The following MAP3K19 variants were observed in gnomAD, a reference collection of about 807,000 sequenced individuals.
MAP3K19 encodes the protein mitogen-activated protein kinase kinase kinase 19.
A neutral mutation model predicts 114.4 loss-of-function variants in MAP3K19; 91 were observed. That is an observed-to-expected ratio of 0.80 (90% CI 0.67 to 0.95). MAP3K19 has a LOEUF of 0.95. Among genes scored for constraint, MAP3K19 ranks in the 40% least tolerant of loss-of-function variants. The probability of loss-of-function intolerance (pLI) is 0.00; values close to 1 mark genes in which losing one functional copy is unlikely to be tolerated. For synonymous variants in MAP3K19, 518 were observed against 530.5 expected (o/e 0.98, Z 0.32); for missense variants, 1,471 against 1,573.2 (o/e 0.94, Z 1.10).
At position 134,994,088 on chromosome 2, in the gene MAP3K19, C is replaced by A. The variant is rs1363010182; in HGVS notation, c.575-2508G>T. ...TTGAATGTACAAGCTTTTCTCCAAT[C>A]CCTCCACAAATCACACTAAAATCAC... On this transcript the variant is annotated intron_variant, in intron 8 of 12. Transcript: ENST00000392915. Among the ~76,000 whole-genome samples the A allele has an allele frequency of 5.3e-5, 8 of 152,224 alleles. No homozygotes were observed. The East Asian group carries it at 1.5e-3, about 29-fold the overall frequency.
intron 1 of MAP3K19, among the ~76,000 whole-genome samples, chr2:135,045,788 T>C (rs1376190228): frequency 6.6e-6 from 1 of 152,194 alleles, no homozygotes; most frequent in African/African-American, 2.4e-5. Context: ...TACCGGGTAA[T>C]GTGGTCATTA....
intron 12 of MAP3K19, among the ~76,000 whole-genome samples, chr2:134,978,868 A>G (rs112588544): frequency 0.011 from 1,745 of 152,198 alleles, 36 homozygotes; most frequent in African/African-American, 0.038. Flanking sequence ...CCTTTTCTTT[A>G]TGGCCTTTTC....
intron 5 of MAP3K19, among the ~76,000 whole-genome samples, chr2:135,009,973 A>C (rs7585387): frequency 0.018 from 2,791 of 152,266 alleles, 82 homozygotes; most frequent in African/African-American, 0.064. Flanking sequence ...AGTAGCTTAC[A>C]CGAGGTCACA....
rs1188017835 is a variant in MAP3K19, at chr2:134,999,325, C to T, written c.315-328G>A. 6.6e-6 allele frequency among the ~76,000 whole-genome samples: 1 copy of T among 152,128 alleles called. No homozygotes were observed. Among genetic ancestry groups the T allele is most frequent in the Non-Finnish European group, 1.5e-5 (1 of 68,042 alleles). ...TTATCTCCACAGGTACTGACTAGCC[C>T]AGTGTTTCTCAAACTATTTTTGATG... On this transcript the variant is annotated intron_variant, in intron 7 of 12. Coordinates refer to ENST00000392915, the MANE Select transcript of MAP3K19 (RefSeq NM_025052.5). This position sits in a 1 kb window ranked among gnomAD's most constrained non-coding sequence, Gnocchi z 4.1.
At chr2:134,965,407 T>G (rs1018544765) in intron 12 of MAP3K19, among the ~76,000 whole-genome samples, 1 of 152,242 alleles carries the variant, frequency 6.6e-6, no homozygotes, top group Admixed American at 6.5e-5. Context: ...TGGGCACTCC[T>G]GGATTAACGT....
rs1434680809 is a variant in MAP3K19, at chr2:135,005,493, C to T, written c.177G>A (p.Leu59=). 10 of 1,613,996 alleles carry T rather than the reference C, an allele frequency of 6.2e-6. No homozygotes were observed. In the South Asian group the frequency reaches 1.1e-4, roughly 18 times the overall value. ...DQDGDCSHST[L]VNEEEDPSGG... is the part of the protein sequence containing the mutation. Reference sequence around the variant, plus strand: ...CACTGGGATCTTCTTCTTCATTAACCAGTGTGGAATGACTGCAGTCACCAT... The same window carrying T: ...CACTGGGATCTTCTTCTTCATTAACTAGTGTGGAATGACTGCAGTCACCAT... Residue 59 remains leucine, a synonymous_variant, in exon 6 of 13, where the codon CTG becomes CTA. Coordinates refer to ENST00000392915, the MANE Select transcript of MAP3K19 (RefSeq NM_025052.5).
At chr2:134,980,738 A>G in intron 12 of MAP3K19, 83 bp downstream of exon 12, 1 of 1,277,068 alleles carries the variant, frequency 7.8e-7, no homozygotes, top group Non-Finnish European at 1.1e-6. Flanking sequence ...AGAGCTTTTA[A>G]TGGGCCATAA....
intron 12 of MAP3K19, among the ~76,000 whole-genome samples, chr2:134,975,246 C>T (rs922855180): frequency 6.6e-6 from 1 of 152,138 alleles, no homozygotes. Context: ...TCCTTAGACT[C>T]CTGGGCAGCA....
Position 134,988,029 on chromosome 2 carries a change from A to C in MAP3K19, c.843T>G (p.Asp281Glu). The C allele has an allele frequency of 6.2e-7, 1 of 1,614,072 alleles. No homozygotes were observed. Among genetic ancestry groups the C allele is most frequent in the Non-Finnish European group, 8.5e-7 (1 of 1,179,958 alleles). ...SLMDPTLRSSDGFIWSRNMCS... is the reference protein window; with the variant it reads ...SLMDPTLRSSEGFIWSRNMCS... ...ACATGTTTCTTGACCAAATGAAGCCATCAGAAGACCTGAGAGTCGGATCCA... is the reference window on the plus strand; with the variant it reads ...ACATGTTTCTTGACCAAATGAAGCCCTCAGAAGACCTGAGAGTCGGATCCA... The change falls in exon 10 of 13, where the codon GAT becomes GAG. Residue 281 changes from aspartate to glutamate, a missense_variant. Physicochemically the swap from Asp to Glu is conservative, Grantham distance 45 (BLOSUM62 2). Coordinates refer to ENST00000392915, the MANE Select transcript of MAP3K19 (RefSeq NM_025052.5).
chr2:135,000,638 A>T (rs1686373159), intron 6 of MAP3K19, among the ~76,000 whole-genome samples: 1 of 152,238 alleles, frequency 6.6e-6, no homozygotes, highest in South Asian at 2.1e-4. Flanking sequence ...TAGTGCTGAA[A>T]ACAGGGAAAT....
rs191388430 is a variant in MAP3K19, at chr2:135,036,921, A to G, written c.-284+3442T>C. 8.3e-4 allele frequency among the ~76,000 whole-genome samples: 126 copies of G among 152,232 alleles called. 1 individual carries two copies. Among genetic ancestry groups the G allele is most frequent in the Middle Eastern group, 3.4e-3 (1 of 292 alleles). Reference sequence around the variant, plus strand: ...TTGGCAAGAGCAGTTTCAATGGAGTAGTAGAGGAAGATGTCAGACTGCAGT... The same window carrying G: ...TTGGCAAGAGCAGTTTCAATGGAGTGGTAGAGGAAGATGTCAGACTGCAGT... On this transcript the variant is annotated intron_variant, in intron 2 of 12. Transcript: ENST00000392915.
chr2:134,999,008 A>G lies in MAP3K19; in HGVS notation c.315-11T>C. 1.9e-6 allele frequency: 3 copies of G among 1,603,426 alleles called. No homozygotes were observed. The highest frequency in any genetic ancestry group is 2.6e-6 in the Non-Finnish European group (3 of 1,176,076). On this transcript the variant is annotated splice_polypyrimidine_tract_variant and intron_variant, in intron 7 of 12. Transcript: ENST00000392915. The surrounding 1 kb of genome is among the most constrained non-coding windows in gnomAD (Gnocchi z 4.1). Reference sequence around the variant, plus strand: ...GATGAGTTTATCAGACTAAAGGGGGAGGGAAATGTTTGATTTAAAACTCAG... The same window carrying G: ...GATGAGTTTATCAGACTAAAGGGGGGGGGAAATGTTTGATTTAAAACTCAG...
chr2:135,012,786 C>T (rs1195677440), intron 5 of MAP3K19, among the ~76,000 whole-genome samples: 1 of 152,136 alleles, frequency 6.6e-6, no homozygotes, highest in Admixed American at 6.5e-5. Context: ...TGCCTCCATC[C>T]TCCCAATACA....
In MAP3K19 at chr2:135,030,510, GAC is replaced by G. The variant is rs1574051545; in HGVS notation, c.-283-12_-283-11del. On this transcript the variant is annotated splice_polypyrimidine_tract_variant and intron_variant, in intron 2 of 12. Coordinates refer to ENST00000392915, the MANE Select transcript of MAP3K19 (RefSeq NM_025052.5). ...GAAGAAATCCAACAACCTGCAAAATGACACAGTCTTAGTTAAATATTTTTAAG... is the reference window on the plus strand; with the variant it reads ...GAAGAAATCCAACAACCTGCAAAATGACAGTCTTAGTTAAATATTTTTAAG... 3 of 152,728 alleles carry G rather than the reference GAC, an allele frequency of 2.0e-5. No individual in the cohort carries two copies. In the South Asian group the frequency reaches 6.2e-4, roughly 32 times the overall value. 9.5% of individuals were successfully genotyped at this position (152,728 alleles called of 1,614,324 possible).
intron 1 of MAP3K19, among the ~76,000 whole-genome samples, chr2:135,046,012 AC>A: frequency 6.6e-6 from 1 of 152,090 alleles, no homozygotes; most frequent in East Asian, 1.9e-4. Context: ...GCAGCCTCAA[AC>A]TCCTAGGTTT....
chr2:134,981,058 T>G lies in MAP3K19; in HGVS notation c.3683A>C (p.His1228Pro). The G allele has an allele frequency of 6.2e-7, 1 of 1,614,242 alleles. No individual in the cohort carries two copies. The highest frequency in any genetic ancestry group is 1.1e-5 in the South Asian group (1 of 91,088). Residue 1228 changes from histidine (H) to proline (P), a missense_variant, in exon 12 of 13, where the codon CAT becomes CCT. By Grantham distance (77) the His-to-Pro change is moderately conservative. Coordinates refer to ENST00000392915, the MANE Select transcript of MAP3K19 (RefSeq NM_025052.5). ...GTHSDMLKSM[H>P]GTPYWMAPEV... is the part of the protein sequence containing the mutation. ...TGGGGCCATCCAATATGGAGTCCCATGCATGGACTTAAGCATGTCACTGTG... is the reference window on the plus strand; with the variant it reads ...TGGGGCCATCCAATATGGAGTCCCAGGCATGGACTTAAGCATGTCACTGTG...
intron 6 of MAP3K19, 116 bp from the exon 7 acceptor site, chr2:135,000,131 T>C: frequency 1.4e-6 from 1 of 708,300 alleles, no homozygotes; most frequent in Non-Finnish European, 2.5e-6. Flanking sequence ...AAAATGGACA[T>C]TAATCAGGAG....
chr2:134,976,492 T>G (rs1204026874), intron 12 of MAP3K19, among the ~76,000 whole-genome samples: 1 of 152,208 alleles, frequency 6.6e-6, no homozygotes, highest in East Asian at 1.9e-4. Context: ...CTCAGGTGTT[T>G]CCTGTAACTT....
rs368298311 is a variant in MAP3K19, at chr2:135,000,066, G to A, written c.236-51C>T. ...AAGGAAGAAAGTAATGAATTCCAGC[G>A]GAAAGCGGGAGACGTACTTTATTTC... On this transcript the variant is annotated intron_variant, in intron 6 of 12. Coordinates refer to ENST00000392915, the MANE Select transcript of MAP3K19 (RefSeq NM_025052.5). The A allele has an allele frequency of 5.6e-5, 68 of 1,209,396 alleles. 1 individual carries two copies. The highest frequency in any genetic ancestry group is 1.2e-4 in the East Asian group (5 of 42,986). The allele number at this position is 1,209,396 out of a possible 1,614,324, so 74.9% of individuals were successfully genotyped here.
Sources: allele counts gnomAD v4.1 joint callset (sites outside exome capture counted in the v4.1 genomes callset), GRCh38; gene constraint gnomAD v4.1.1; non-coding constraint Gnocchi (gnomAD v3.1); transcripts MANE v1.5; gene names NCBI Gene and HGNC (gene_info 2026-07-23, HGNC 2026-07-21).